Variants in TINAG observed in about 807,000 individuals in gnomAD.
The protein encoded by TINAG is tubulointerstitial nephritis antigen.
TINAG carries 83 observed loss-of-function variants against 72.7 expected under a neutral mutation model. The observed-to-expected ratio is 1.14, with a 90% CI of 0.96 to 1.37. The LOEUF (loss-of-function observed/expected upper bound fraction) is 1.37, where lower values mean the gene tolerates loss of function less well. Among genes scored for constraint, TINAG ranks in the 40% most tolerant of loss-of-function variants. TINAG has a pLI of 0.00. For synonymous variants in TINAG, 234 were observed against 189.9 expected (o/e 1.23, Z -1.91); for missense variants, 685 against 576.6 (o/e 1.19, Z -1.93).
In TINAG at chr6:54,326,887, C is replaced by T. The variant is rs1784615195; in HGVS notation, c.595C>T (p.Pro199Ser). ...KFRLGTLPPS[P>S]MLLSMNEMTA... ...TCGCCTTGGCACTTTGCCACCTAGT[C>T]CCATGCTCCTGAGCATGAATGAAAT... Residue 199 changes from proline (P) to serine (S), a missense_variant, in exon 4 of 11, where the codon CCC becomes TCC. Coordinates refer to ENST00000259782, the MANE Select transcript of TINAG (RefSeq NM_014464.4). The T allele has an allele frequency of 2.5e-6, 4 of 1,612,928 alleles. No individual in the cohort carries two copies. The highest frequency in any genetic ancestry group is 2.2e-5 in the East Asian group (1 of 44,836).
rs911068569 is a variant in TINAG at position 54,375,879 on chromosome 6, G to A, written c.1251-4647G>A. Among the ~76,000 whole-genome samples the A allele has an allele frequency of 9.2e-5, 14 of 152,022 alleles. No individual in the cohort carries two copies. The East Asian group carries it at 1.7e-3, about 19-fold the overall frequency. On this transcript the variant is annotated intron_variant, in intron 9 of 10. Coordinates refer to ENST00000259782, the MANE Select transcript of TINAG (RefSeq NM_014464.4). Reference sequence around the variant, plus strand: ...GAGCTGTCTTTCTAAAAGATAATCCGGATCATGTCACATTCCATATTCAAA... The same window carrying A: ...GAGCTGTCTTTCTAAAAGATAATCCAGATCATGTCACATTCCATATTCAAA...
chr6:54,384,541 G>A (rs1764040996), intron 10 of TINAG, among the ~76,000 whole-genome samples: 1 of 152,064 alleles, frequency 6.6e-6, no homozygotes, highest in South Asian at 2.1e-4. Context: ...AAAAAGGAAA[G>A]TAGAAGACTG....
intron 4 of TINAG, among the ~76,000 whole-genome samples, chr6:54,331,645 TA>T (rs1301205412): frequency 6.6e-6 from 1 of 152,024 alleles, no homozygotes; most frequent in Non-Finnish European, 1.5e-5. Context: ...AGTGTATTCA[TA>T]AAGGAAGAGA....
intron 1 of TINAG, among the ~76,000 whole-genome samples, chr6:54,316,137 C>T (rs1443286082): frequency 6.6e-6 from 1 of 152,132 alleles, no homozygotes; most frequent in African/African-American, 2.4e-5. Flanking sequence ...AGAGGTAGAA[C>T]TCTGTTACCT....
At chr6:54,330,511 C>A (rs760759001) in intron 4 of TINAG, among the ~76,000 whole-genome samples, 1 of 152,066 alleles carries the variant, frequency 6.6e-6, no homozygotes. Flanking sequence ...TGAGAAAGAT[C>A]TAAAACAGAC....
At chr6:54,312,663 G>GA (rs1784285115) in intron 1 of TINAG, among the ~76,000 whole-genome samples, 1 of 151,938 alleles carries the variant, frequency 6.6e-6, no homozygotes, top group East Asian at 1.9e-4. Flanking sequence ...AATCTACATA[G>GA]AAAAAAATAA....
intron 1 of TINAG, among the ~76,000 whole-genome samples, chr6:54,313,935 T>G (rs944817049): frequency 2.2e-4 from 34 of 152,304 alleles, no homozygotes; most frequent in African/African-American, 7.7e-4. Context: ...TATTTAAAAC[T>G]TTTTATATAT....
intron 8 of TINAG, among the ~76,000 whole-genome samples, chr6:54,353,443 C>T (rs1458529985): frequency 6.6e-6 from 1 of 151,822 alleles, no homozygotes; most frequent in Non-Finnish European, 1.5e-5. Context: ...GAATGAATAA[C>T]TTTGTGTACA....
chr6:54,348,992 C>A (rs1785196624), intron 6 of TINAG, among the ~76,000 whole-genome samples: 1 of 152,010 alleles, frequency 6.6e-6, no homozygotes, highest in Non-Finnish European at 1.5e-5. Context: ...ATTTCCCTTA[C>A]AATTTATCTT....
chr6:54,344,583 T>G (rs1211202468), intron 5 of TINAG, among the ~76,000 whole-genome samples: 1 of 152,208 alleles, frequency 6.6e-6, no homozygotes, highest in African/African-American at 2.4e-5. Context: ...CCTAGATCTA[T>G]AAGAATTTTG....
At chr6:54,312,627 C>G (rs766164479) in intron 1 of TINAG, among the ~76,000 whole-genome samples, 1 of 152,004 alleles carries the variant, frequency 6.6e-6, no homozygotes, top group Non-Finnish European at 1.5e-5. Flanking sequence ...TAAAGTAAAA[C>G]TCTTATTATT....
chr6:54,368,567 T>A (rs1016041077), intron 9 of TINAG, among the ~76,000 whole-genome samples: 1 of 151,266 alleles, frequency 6.6e-6, no homozygotes, highest in Non-Finnish European at 1.5e-5. Context: ...ATTAAATTCT[T>A]ATATAAATTT....
At position 54,314,595 on chromosome 6, in the gene TINAG, A is replaced by T. The variant is rs114001224; in HGVS notation, c.355+5690A>T. Reference sequence around the variant, plus strand: ...GAATAACCAGCAATCTCTGCCAAAAATTAAGAATGCGGAATCACCTAAAAA... The same window carrying T: ...GAATAACCAGCAATCTCTGCCAAAATTTAAGAATGCGGAATCACCTAAAAA... On this transcript the variant is annotated intron_variant, in intron 1 of 10. Transcript: ENST00000259782. 8.4e-3 allele frequency among the ~76,000 whole-genome samples: 1,277 copies of T among 152,244 alleles called. 18 individuals carry two copies. The highest frequency in any genetic ancestry group is 0.029 in the African/African-American group (1,222 of 41,554).
chr6:54,336,974 T>C (rs1343032318), intron 4 of TINAG, among the ~76,000 whole-genome samples: 1 of 152,102 alleles, frequency 6.6e-6, no homozygotes, highest in Admixed American at 6.6e-5. Context: ...TTATACTTTC[T>C]ATAGTATGTT....
intron 4 of TINAG, among the ~76,000 whole-genome samples, chr6:54,335,323 A>C (rs1027503889): frequency 1.3e-5 from 2 of 152,172 alleles, no homozygotes; most frequent in African/African-American, 4.8e-5. Context: ...AAAACTCTTA[A>C]TGATGAGTTG....
At chr6:54,340,391 T>C (rs1241052127) in intron 4 of TINAG, among the ~76,000 whole-genome samples, 1 of 141,494 alleles carries the variant, frequency 7.1e-6, no homozygotes, top group Non-Finnish European at 1.5e-5. Flanking sequence ...TTTGTTTTAT[T>C]AAGCAAAAAA....
intron 9 of TINAG, among the ~76,000 whole-genome samples, chr6:54,372,750 AT>A (rs1763664925): frequency 2.4e-5 from 1 of 41,602 alleles, no homozygotes; most frequent in Admixed American, 1.9e-4. Flanking sequence ...ATATATATAT[AT>A]ATATATATAT....
chr6:54,337,851 A>C (rs1784903807), intron 4 of TINAG, among the ~76,000 whole-genome samples: 2 of 152,190 alleles, frequency 1.3e-5, no homozygotes, highest in Admixed American at 6.6e-5. Flanking sequence ...AGGCAGGGCC[A>C]GATGTTACGG....
At chr6:54,358,866 A>G (rs1017414148) in intron 9 of TINAG, among the ~76,000 whole-genome samples, 2 of 151,780 alleles carry the variant, frequency 1.3e-5, no homozygotes, top group African/African-American at 4.8e-5. Flanking sequence ...ACGGGAAGGG[A>G]TTGACATCTG....
Sources: allele counts gnomAD v4.1 joint callset (sites outside exome capture counted in the v4.1 genomes callset), GRCh38; gene constraint gnomAD v4.1.1; transcripts MANE v1.5; gene names NCBI Gene and HGNC (gene_info 2026-07-23, HGNC 2026-07-21).